Variants in FBXO4 observed in about 807,000 individuals in gnomAD.
The protein encoded by FBXO4 is F-box only protein 4.
In FBXO4, 36 loss-of-function variants were observed where a neutral mutation model predicts 43.7. That is an observed-to-expected ratio of 0.82 (90% CI 0.63 to 1.09). The LOEUF is 1.09. Among genes scored for constraint, FBXO4 ranks in the 50% least tolerant of loss-of-function variants. FBXO4 has a pLI of 0.00. For synonymous variants in FBXO4, 180 were observed against 165.6 expected (o/e 1.09, Z -0.67); for missense variants, 435 against 474.1 (o/e 0.92, Z 0.77).
At chr5:41,987,335 A>G in the FBXO4 span, among the ~76,000 whole-genome samples, 2 of 152,158 alleles carry the variant, frequency 1.3e-5, no homozygotes, top group Non-Finnish European at 2.9e-5. Flanking sequence ...TTAACCACCA[A>G]TGTTGAACTG....
chr5:42,004,242 C>A, the FBXO4 span, among the ~76,000 whole-genome samples: 1 of 152,148 alleles, frequency 6.6e-6, no homozygotes, highest in Admixed American at 6.5e-5. Flanking sequence ...ACAGTCTTAC[C>A]TATTGAAACT....
chr5:41,975,629 A>T, the FBXO4 span, among the ~76,000 whole-genome samples: 5 of 152,234 alleles, frequency 3.3e-5, no homozygotes, highest in Admixed American at 3.3e-4. Flanking sequence ...CTGGTACCTC[A>T]CTATACTAAA....
At chr5:41,933,369 C>G (rs985363282) in intron 3 of FBXO4, among the ~76,000 whole-genome samples, 1 of 152,126 alleles carries the variant, frequency 6.6e-6, no homozygotes, top group Admixed American at 6.5e-5. Context: ...CATGGGCCAC[C>G]ATGCCTGGAT....
chr5:41,939,882 C>T (rs1751960412), intron 6 of FBXO4, among the ~76,000 whole-genome samples: 2 of 97,206 alleles, frequency 2.1e-5, no homozygotes, highest in African/African-American at 8.7e-5. Flanking sequence ...CAGGGTCTCA[C>T]TTTGTTGCTC....
the FBXO4 span, among the ~76,000 whole-genome samples, chr5:41,997,715 T>C: frequency 3.9e-5 from 6 of 152,166 alleles, no homozygotes; most frequent in Non-Finnish European, 1.5e-5. Context: ...GAATGTCAGC[T>C]CAGAGCCAGT....
At chr5:41,992,634 C>T in the FBXO4 span, among the ~76,000 whole-genome samples, 3 of 152,140 alleles carry the variant, frequency 2.0e-5, no homozygotes, top group Middle Eastern at 3.4e-3. Context: ...AAAGTTTACA[C>T]GAAGAAATTA....
At chr5:41,980,492 G>C in the FBXO4 span, among the ~76,000 whole-genome samples, 1 of 152,062 alleles carries the variant, frequency 6.6e-6, no homozygotes. Context: ...TCTAAAGGAG[G>C]AAATTGGAAC....
At chr5:41,953,784 A>C in the FBXO4 span, among the ~76,000 whole-genome samples, 2 of 151,854 alleles carry the variant, frequency 1.3e-5, no homozygotes, top group African/African-American at 4.8e-5. Context: ...TTTTGGCTGC[A>C]TAAATGTCTT....
At chr5:41,944,248 G>A (rs1001988556), downstream of FBXO4, among the ~76,000 whole-genome samples, 6 of 152,156 alleles carry the variant, frequency 3.9e-5, no homozygotes, top group Admixed American at 6.5e-5. Flanking sequence ...TTCTACAACT[G>A]CAATTAAAAT....
At chr5:41,926,911 G>C (rs548217650) in intron 1 of FBXO4, 102 bp from the exon 2 acceptor site, 2 of 623,666 alleles carry the variant, frequency 3.2e-6, no homozygotes, top group Non-Finnish European at 5.6e-6. Context: ...AAAAATACTA[G>C]TCAGTTGACC....
chr5:41,981,827 C>A, the FBXO4 span, among the ~76,000 whole-genome samples: 1 of 150,666 alleles, frequency 6.6e-6, no homozygotes, highest in African/African-American at 2.4e-5. Context: ...TATACATGTG[C>A]CATGTTGGTG....
intron 5 of FBXO4, chr5:41,934,764 A>G: frequency 9.8e-7 from 1 of 1,018,674 alleles, no homozygotes; most frequent in Non-Finnish European, 1.2e-6. Context: ...AATAGTAAAG[A>G]GATGTGATGG....
At chr5:41,957,699 T>C in the FBXO4 span, among the ~76,000 whole-genome samples, 3 of 151,930 alleles carry the variant, frequency 2.0e-5, 1 homozygote, top group South Asian at 4.1e-4. Flanking sequence ...CCCTCTTTGA[T>C]AATTTTAACA....
chr5:41,983,669 C>A, the FBXO4 span, among the ~76,000 whole-genome samples: 11 of 151,938 alleles, frequency 7.2e-5, no homozygotes, highest in African/African-American at 2.7e-4. Flanking sequence ...TTTTTTTAGG[C>A]AAACTGATTT....
At chr5:41,961,966 G>A in the FBXO4 span, among the ~76,000 whole-genome samples, 1 of 152,174 alleles carries the variant, frequency 6.6e-6, no homozygotes, top group African/African-American at 2.4e-5. Flanking sequence ...GGCATCTCAA[G>A]TATGCTAATT....
chr5:41,948,714 T>G, the FBXO4 span, among the ~76,000 whole-genome samples: 1 of 152,242 alleles, frequency 6.6e-6, no homozygotes, highest in Non-Finnish European at 1.5e-5. Context: ...TTTGCCATTT[T>G]TAGCATTCTG....
At chr5:42,014,256 C>A in the FBXO4 span, among the ~76,000 whole-genome samples, 5 of 152,096 alleles carry the variant, frequency 3.3e-5, no homozygotes, top group Non-Finnish European at 7.4e-5. Flanking sequence ...TCCGCTACCC[C>A]CATCTTCTGA....
chr5:42,039,394 A>G, the FBXO4 span, among the ~76,000 whole-genome samples: 2 of 151,616 alleles, frequency 1.3e-5, no homozygotes, highest in Non-Finnish European at 2.9e-5. Context: ...ACTCTGGACC[A>G]CCTCCCCACT....
chr5:42,020,681 C>CG, the FBXO4 span, among the ~76,000 whole-genome samples: 1 of 152,080 alleles, frequency 6.6e-6, no homozygotes, highest in East Asian at 1.9e-4. Flanking sequence ...GTTTGCATTC[C>CG]GGGGAGGAAG....
Sources: allele counts gnomAD v4.1 joint callset (sites outside exome capture counted in the v4.1 genomes callset), GRCh38; gene constraint gnomAD v4.1.1; transcripts MANE v1.5; gene names NCBI Gene and HGNC (gene_info 2026-07-23, HGNC 2026-07-21).